Variants in RAP1B observed in about 807,000 individuals in gnomAD.
RAP1B encodes ras-related protein Rap-1b.
A neutral mutation model predicts 27.5 loss-of-function variants in RAP1B; 1 was observed. The observed-to-expected ratio is 0.04, with a 90% confidence interval of 0.01 to 0.17. The LOEUF is 0.17. RAP1B is among the 10% of genes least tolerant of loss of function. The pLI, the probability that RAP1B is intolerant of heterozygous loss-of-function variation, is 1.00. For synonymous variants in RAP1B, 75 were observed against 73.1 expected, an observed-to-expected ratio of 1.03 and a Z score of -0.13; for missense variants, 84 against 214.8, an observed-to-expected ratio of 0.39 and a Z score of 3.81.
chr12:68,632,232 G>C (rs754843816), intron 1 of RAP1B, among the ~76,000 whole-genome samples: 4 of 146,984 alleles, frequency 2.7e-5, no homozygotes, highest in Non-Finnish European at 5.9e-5. Context: ...CCGCCTCCCA[G>C]GTTCAATTCT....
chr12:68,618,556 G>A (rs987181443), intron 1 of RAP1B, among the ~76,000 whole-genome samples: 5 of 152,124 alleles, frequency 3.3e-5, no homozygotes, highest in East Asian at 1.9e-4. Context: ...CATTTTTGGC[G>A]AGTCTACAAG....
At chr12:68,621,380 T>C (rs1384239331) in intron 1 of RAP1B, 4 of 152,246 alleles carry the variant, frequency 2.6e-5, no homozygotes, top group Non-Finnish European at 4.4e-5. Context: ...TTTTAGTTGC[T>C]AGTTGAAAAT....
chr12:68,629,718 A>G (rs1001591297), intron 1 of RAP1B, among the ~76,000 whole-genome samples: 8 of 152,116 alleles, frequency 5.3e-5, no homozygotes, highest in African/African-American at 1.9e-4. Flanking sequence ...TCTGTTAACT[A>G]AGTGAATAAT....
intron 1 of RAP1B, among the ~76,000 whole-genome samples, chr12:68,611,857 C>T (rs1306620229): frequency 2.0e-5 from 3 of 152,138 alleles, no homozygotes; most frequent in African/African-American, 7.2e-5. Context: ...AAACTATCAG[C>T]GCCATGAATT....
intron 1 of RAP1B, among the ~76,000 whole-genome samples, chr12:68,631,673 C>CTGGTA (rs1445583323): frequency 6.6e-6 from 1 of 152,060 alleles, no homozygotes; most frequent in Non-Finnish European, 1.5e-5. Context: ...TTTCTTATCC[C>CTGGTA]TGGTATGTTC....
At chr12:68,635,883 G>GC (rs71769579) in intron 1 of RAP1B, among the ~76,000 whole-genome samples, 14 of 112,918 alleles carry the variant, frequency 1.2e-4, no homozygotes, top group African/African-American at 6.0e-4. Context: ...TTATACCCAT[G>GC]AAATTTTTTT....
chr12:68,665,176 G>A lies in RAP1B; in HGVS notation c.*5927G>A, dbSNP rs1276926276. On this transcript the variant is annotated 3_prime_UTR_variant, in exon 8 of 8. Transcript: ENST00000250559. ...AATGGAATAGAATCGGATGGGTATG[G>A]TACAGCAGGTAGTTATGGGGAGACC... 2 of 152,184 alleles carry A rather than the reference G, an allele frequency of 1.3e-5. No homozygotes were observed. The highest frequency in any genetic ancestry group is 4.8e-5 in the African/African-American group (2 of 41,432). 9.4% of individuals were successfully genotyped at this position (152,184 alleles called of 1,614,324 possible).
At chr12:68,637,599 CAAAAAAAAAAAAA>C (rs58656248) in intron 1 of RAP1B, among the ~76,000 whole-genome samples, 22 of 34,236 alleles carry the variant, frequency 6.4e-4, no homozygotes, top group Admixed American at 2.1e-3. Context: ...AACTCCATCT[CAAAAAAAAAAAAA>C]AAAAAAAAAA....
chr12:68,646,668 C>G (rs1365651059), intron 1 of RAP1B, among the ~76,000 whole-genome samples: 2 of 152,184 alleles, frequency 1.3e-5, no homozygotes, highest in Non-Finnish European at 2.9e-5. Context: ...CACTCTCACT[C>G]CCAGTGGAGG....
intron 3 of RAP1B, 63 bp downstream of exon 3, chr12:68,650,531 A>G: frequency 8.0e-7 from 1 of 1,250,496 alleles, no homozygotes; most frequent in Non-Finnish European, 1.1e-6. Context: ...TTTTAGCTTT[A>G]TAATTATTGA....
At chr12:68,649,079 G>A (rs979199381) in intron 2 of RAP1B, 3 of 277,540 alleles carry the variant, frequency 1.1e-5, no homozygotes, top group African/African-American at 6.7e-5. Flanking sequence ...AGCCAGATAG[G>A]AATAAATTTT....
chr12:68,647,382 T>TCCCCCCCCCCCC (rs1565670496), intron 1 of RAP1B, among the ~76,000 whole-genome samples: 5 of 1,932 alleles, frequency 2.6e-3, no homozygotes, highest in African/African-American at 4.0e-3. Context: ...CCCACTCCAC[T>TCCCCCCCCCCCC]CCCCGCCCCC....
At chr12:68,623,476 T>C (rs1301888369) in intron 1 of RAP1B, among the ~76,000 whole-genome samples, 11 of 152,226 alleles carry the variant, frequency 7.2e-5, no homozygotes, top group South Asian at 2.1e-4. Flanking sequence ...TATATAACCT[T>C]TGGTGCCAGG....
At chr12:68,628,154 T>G (rs930606289) in intron 1 of RAP1B, among the ~76,000 whole-genome samples, 11 of 152,138 alleles carry the variant, frequency 7.2e-5, no homozygotes, top group African/African-American at 2.7e-4. Flanking sequence ...CCAGCCTCCC[T>G]TGCAGCTAGG....
chr12:68,626,812 T>C, intron 1 of RAP1B: 1 of 1,469,520 alleles, frequency 6.8e-7, no homozygotes, highest in Non-Finnish European at 9.3e-7. Flanking sequence ...TTGTTTTGGG[T>C]GGACAGGAAG....
chr12:68,636,834 A>G (rs1278003167), intron 1 of RAP1B, among the ~76,000 whole-genome samples: 1 of 151,694 alleles, frequency 6.6e-6, no homozygotes, highest in Non-Finnish European at 1.5e-5. Context: ...TTGTATTTTT[A>G]GTAGCGATGG....
intron 1 of RAP1B, among the ~76,000 whole-genome samples, chr12:68,612,744 G>C (rs1347722246): frequency 2.0e-5 from 3 of 152,166 alleles, no homozygotes; most frequent in South Asian, 4.1e-4. Flanking sequence ...TAAGCACACA[G>C]AGCCTGAATG....
At chr12:68,645,724 T>A (rs1226718961) in intron 1 of RAP1B, among the ~76,000 whole-genome samples, 2 of 152,308 alleles carry the variant, frequency 1.3e-5, no homozygotes, top group East Asian at 3.9e-4. Flanking sequence ...TCAGTCAGAG[T>A]TGGCATTCGC....
At chr12:68,656,975 T>G (rs1284906590) in intron 6 of RAP1B, 126 bp from the exon 7 acceptor site, 16 of 816,378 alleles carry the variant, frequency 2.0e-5, no homozygotes, top group Non-Finnish European at 2.9e-5. Context: ...TTATTCTCAT[T>G]CCTTAGCTGA....
Sources: allele counts gnomAD v4.1 joint callset (sites outside exome capture counted in the v4.1 genomes callset), GRCh38; gene constraint gnomAD v4.1.1; transcripts MANE v1.5; gene names NCBI Gene and HGNC (gene_info 2026-07-23, HGNC 2026-07-21).